DTNA: variants seen among roughly 807,000 people sequenced by gnomAD.
The protein encoded by DTNA is dystrophin-related protein 3.
A neutral mutation model predicts 100.7 loss-of-function variants in DTNA; 43 were observed. That is an observed-to-expected ratio of 0.43 (90% CI 0.33 to 0.55). DTNA has a LOEUF of 0.55. Among genes scored for constraint, DTNA ranks in the 20% least tolerant of loss-of-function variants. The pLI is 0.04. For missense variants in DTNA, 798 were observed against 953.9 expected (o/e 0.84, Z 2.15); for synonymous variants, 349 against 347.9 (o/e 1.00, Z -0.04).
chr18:34,667,849 C>T lies in DTNA; in HGVS notation c.-1-88127C>T, dbSNP rs536017406. Among the ~76,000 whole-genome samples the T allele has an allele frequency of 3.9e-5, 6 of 152,296 alleles. No individual in the cohort carries two copies. In the East Asian group the frequency reaches 9.6e-4, roughly 24 times the overall value. On this transcript the variant is annotated intron_variant, in intron 1 of 19. Coordinates refer to the DTNA transcript ENST00000283365. ...GCCAGTATTTTATTGAGGATTTTTG[C>T]ATCGATGTTCATCAGGGATATTGGT...
At chr18:34,873,064 G>C (rs1437653806) in intron 17 of DTNA, among the ~76,000 whole-genome samples, 2 of 152,156 alleles carry the variant, frequency 1.3e-5, no homozygotes. Context: ...TGAAGTATTA[G>C]GGGTTAAAGT....
intron 1 of DTNA, among the ~76,000 whole-genome samples, chr18:34,661,843 C>G (rs530649388): frequency 6.6e-6 from 1 of 151,828 alleles, no homozygotes; most frequent in African/African-American, 2.4e-5. Context: ...GCTTTCAAAC[C>G]CTGCCAACAT....
At chr18:34,539,689 A>G (rs927439144) in intron 1 of DTNA, among the ~76,000 whole-genome samples, 29 of 152,082 alleles carry the variant, frequency 1.9e-4, no homozygotes, top group African/African-American at 6.5e-4. Context: ...ATCATTGTCT[A>G]TGTGAACATA....
At chr18:34,736,882 A>T (rs1048344112) in intron 1 of DTNA, among the ~76,000 whole-genome samples, 3 of 152,168 alleles carry the variant, frequency 2.0e-5, no homozygotes, top group Non-Finnish European at 4.4e-5. Context: ...AACCTGGGGG[A>T]TAACTTTGTT....
chr18:34,866,011 G>T, intron 17 of DTNA: 1 of 1,328,384 alleles, frequency 7.5e-7, no homozygotes, highest in South Asian at 1.2e-5. Flanking sequence ...GCCGTCAAAG[G>T]TGTGTTGATG....
chr18:34,552,785 C>T (rs1476548106), intron 1 of DTNA, among the ~76,000 whole-genome samples: 1 of 149,814 alleles, frequency 6.7e-6, no homozygotes, highest in Non-Finnish European at 1.5e-5. Context: ...CATTGTTGGA[C>T]ATTTGGGTTG....
Position 34,851,813 on chromosome 18 carries a change from A to C in DTNA, c.1435-18A>C. The stretch of plus-strand genomic sequence containing the variant: ...TCACATTCTCAATATGAAATCTTAT[A>C]AACTACATATTTTACAGCAGCCACC... On this transcript the variant is annotated intron_variant, in intron 14 of 22. Transcript: ENST00000444659. 6.2e-7 allele frequency: 1 copy of C among 1,613,218 alleles called. No homozygotes were observed.
At chr18:34,622,708 C>T (rs1010697700) in intron 1 of DTNA, among the ~76,000 whole-genome samples, 2 of 152,182 alleles carry the variant, frequency 1.3e-5, no homozygotes, top group Non-Finnish European at 2.9e-5. Context: ...TGGACAACAA[C>T]TCCAGGCTCC....
intron 1 of DTNA, among the ~76,000 whole-genome samples, chr18:34,727,561 A>G (rs569950328): frequency 6.6e-6 from 1 of 152,212 alleles, no homozygotes; most frequent in East Asian, 1.9e-4. Context: ...ACCATTTAAA[A>G]TGTCCTTTTT....
intron 13 of DTNA, 125 bp downstream of exon 13, chr18:34,838,962 G>C (rs1181409769): frequency 1.3e-6 from 1 of 772,666 alleles, no homozygotes; most frequent in African/African-American, 1.7e-5. Context: ...CTGTTAACTG[G>C]TTCAGTTAAG....
At chr18:34,581,638 T>G (rs1012883448) in intron 1 of DTNA, among the ~76,000 whole-genome samples, 7 of 150,730 alleles carry the variant, frequency 4.6e-5, no homozygotes, top group East Asian at 1.9e-4. Flanking sequence ...TTTTTTTTTT[T>G]TGTGACGGAG....
chr18:34,656,922 G>A (rs2074462410), intron 1 of DTNA, among the ~76,000 whole-genome samples: 2 of 152,038 alleles, frequency 1.3e-5, no homozygotes, highest in Admixed American at 1.3e-4. Context: ...TGTCACCCAG[G>A]ATGCAGTTCA....
chr18:34,804,427 C>T (rs1037115919), intron 4 of DTNA, among the ~76,000 whole-genome samples: 1 of 152,010 alleles, frequency 6.6e-6, no homozygotes, highest in South Asian at 2.1e-4. Context: ...AGGTTATGAC[C>T]GTGTTAAAGC....
At chr18:34,831,309 A>G (rs928948530) in intron 11 of DTNA, among the ~76,000 whole-genome samples, 1 of 152,202 alleles carries the variant, frequency 6.6e-6, no homozygotes, top group African/African-American at 2.4e-5. Context: ...CTAAAGTGGT[A>G]AGCACTCACA....
chr18:34,707,004 AAAT>A (rs2082201198), upstream of DTNA, among the ~76,000 whole-genome samples: 1 of 152,188 alleles, frequency 6.6e-6, no homozygotes. Context: ...ATGAAAAAAT[AAAT>A]AATAATTTTT....
intron 1 of DTNA, among the ~76,000 whole-genome samples, chr18:34,624,254 A>C (rs1005094024): frequency 1.7e-4 from 26 of 152,350 alleles, no homozygotes; most frequent in African/African-American, 6.3e-4. Flanking sequence ...CAGATCAATT[A>C]ATCTCAAAAT....
At chr18:34,805,733 T>C (rs192178408) in intron 4 of DTNA, among the ~76,000 whole-genome samples, 3 of 151,024 alleles carry the variant, frequency 2.0e-5, no homozygotes, top group Admixed American at 1.3e-4. Flanking sequence ...AAAAAATGTG[T>C]GATGAAAAAG....
intron 1 of DTNA, among the ~76,000 whole-genome samples, chr18:34,523,582 A>G (rs942700305): frequency 6.6e-6 from 1 of 152,166 alleles, no homozygotes; most frequent in Admixed American, 6.6e-5. Context: ...AATATTTCAC[A>G]TTTATATTTC....
intron 1 of DTNA, among the ~76,000 whole-genome samples, chr18:34,592,007 G>A (rs1307792278): frequency 1.3e-5 from 2 of 152,044 alleles, no homozygotes. Flanking sequence ...AAAACAGAAA[G>A]CTTGCTTTCT....
Sources: allele counts gnomAD v4.1 joint callset (sites outside exome capture counted in the v4.1 genomes callset), GRCh38; gene constraint gnomAD v4.1.1; transcripts MANE v1.5; gene names NCBI Gene and HGNC (gene_info 2026-07-23, HGNC 2026-07-21).